Variants in DDX46 observed in about 807,000 individuals in gnomAD.
The protein encoded by DDX46 is probable ATP-dependent RNA helicase DDX46.
Under a neutral mutation model 134.9 loss-of-function variants are expected in DDX46, and 30 were observed. The ratio of observed to expected loss-of-function variants is 0.22; its 90% CI spans 0.17 to 0.30. The LOEUF (loss-of-function observed/expected upper bound fraction) is 0.30. Among genes scored for constraint, DDX46 ranks in the 10% least tolerant of loss-of-function variants. The pLI is 1.00. For missense variants in DDX46, 622 were observed against 1,248.7 expected (o/e 0.50, Z 7.56); for synonymous variants, 415 against 404.1 (o/e 1.03, Z -0.32).
At position 134,831,048 on chromosome 5, in the gene DDX46, GT is replaced by G. The variant is rs960765484; in HGVS notation, c.*2349del. The G allele has an allele frequency of 2.6e-5, 4 of 151,814 alleles. No individual in the cohort carries two copies. The highest frequency in any genetic ancestry group is 4.4e-5 in the Non-Finnish European group (3 of 67,882). 9.4% of individuals were successfully genotyped at this position (151,814 alleles called of 1,614,324 possible). A position where few individuals can be genotyped will look rare whatever the true frequency, so the allele number is the denominator to read the frequency against. ...AAAATTTGAATGATATATAGACTTT[GT>G]TTTTTTAATGCAATATGAATATTTG... On this transcript the variant is annotated 3_prime_UTR_variant, in exon 23 of 23. Transcript: ENST00000452510.
chr5:134,771,344 C>T (rs978874516), intron 4 of DDX46, among the ~76,000 whole-genome samples: 7 of 147,982 alleles, frequency 4.7e-5, no homozygotes, highest in Admixed American at 2.0e-4. Flanking sequence ...CCCCCTGCCT[C>T]GGACCCCCAA....
intron 18 of DDX46, among the ~76,000 whole-genome samples, chr5:134,815,482 G>A (rs551149772): frequency 1.3e-5 from 2 of 151,964 alleles, no homozygotes; most frequent in African/African-American, 4.8e-5. Context: ...GCCAAGGTGG[G>A]CGGATCACGA....
intron 1 of DDX46, among the ~76,000 whole-genome samples, chr5:134,763,312 A>G (rs1753454078): frequency 6.6e-6 from 1 of 152,102 alleles, no homozygotes; most frequent in Non-Finnish European, 1.5e-5. Flanking sequence ...TCTTGGTGTA[A>G]AAGACAGAGT....
At chr5:134,782,835 G>T in intron 8 of DDX46, 110 bp from the exon 9 acceptor site, 2 of 1,365,956 alleles carry the variant, frequency 1.5e-6, no homozygotes, top group Non-Finnish European at 2.0e-6. Context: ...GGTGTGAGCC[G>T]CTGGGTCTGG....
intron 15 of DDX46, chr5:134,797,164 T>C (rs1226268669): frequency 3.8e-5 from 2 of 52,840 alleles, no homozygotes; most frequent in African/African-American, 1.6e-4. Context: ...TGAAACTCCG[T>C]CTCAAAAAAA....
chr5:134,830,670 T>G lies in DDX46; in HGVS notation c.*1964T>G, dbSNP rs1456949584. On this transcript the variant is annotated 3_prime_UTR_variant, in exon 23 of 23. Coordinates refer to ENST00000452510, the MANE Select transcript of DDX46 (RefSeq NM_001300860.2). Reference sequence around the variant, plus strand: ...GAAATATTCTTGGATCCTTCACACATCCACTTAATTTCTTGAAGGAAGAAA... The same window carrying G: ...GAAATATTCTTGGATCCTTCACACAGCCACTTAATTTCTTGAAGGAAGAAA... The G allele has an allele frequency of 1.3e-5, 2 of 152,594 alleles. No homozygotes were observed. The highest frequency in any genetic ancestry group is 1.9e-4 in the East Asian group (1 of 5,202). The allele number at this position is 152,594 out of a possible 1,614,324, so 9.5% of individuals were successfully genotyped here.
At position 134,831,002 on chromosome 5, in the gene DDX46, T is replaced by G. The variant is rs1455243213; in HGVS notation, c.*2296T>G. The G allele has an allele frequency of 6.6e-6, 1 of 152,662 alleles. No homozygotes were observed. Among genetic ancestry groups the G allele is most frequent in the Non-Finnish European group, 1.5e-5 (1 of 68,050 alleles). The allele number at this position is 152,662 out of a possible 1,614,324, so 9.5% of individuals were successfully genotyped here. A position where few individuals can be genotyped will look rare whatever the true frequency, so the allele number is the denominator to read the frequency against. The stretch of plus-strand genomic sequence containing the variant: ...AACATATTACTTTGTTAGTACATTT[T>G]TTAGTGTCACACTGACTTTTAAAAT... On this transcript the variant is annotated 3_prime_UTR_variant, in exon 23 of 23. Transcript: ENST00000452510.
At chr5:134,809,543 A>G (rs926478536) in intron 16 of DDX46, among the ~76,000 whole-genome samples, 3 of 151,738 alleles carry the variant, frequency 2.0e-5, no homozygotes, top group Non-Finnish European at 4.4e-5. Flanking sequence ...AATTTTTTGT[A>G]TTTTTAGTAG....
chr5:134,813,875 T>C (rs1755216352), intron 18 of DDX46, among the ~76,000 whole-genome samples: 1 of 152,002 alleles, frequency 6.6e-6, no homozygotes, highest in African/African-American at 2.4e-5. Flanking sequence ...TCCTCCTGCC[T>C]CAGCCTCCCA....
At position 134,758,803 on chromosome 5, in the gene DDX46, T is replaced by C. The variant is rs1753279060; in HGVS notation, c.-136T>C. 2.9e-6 allele frequency: 4 copies of C among 1,397,340 alleles called. No homozygotes were observed. The African/African-American group carries it at 4.3e-5, about 15-fold the overall frequency. The allele number at this position is 1,397,340 out of a possible 1,614,324, so 86.6% of individuals were successfully genotyped here. A position where few individuals can be genotyped will look rare whatever the true frequency, so the allele number is the denominator to read the frequency against. On this transcript the variant is annotated 5_prime_UTR_variant, in exon 1 of 23. An upstream start codon of the reference 5' UTR is lost. Coordinates refer to ENST00000452510, the MANE Select transcript of DDX46 (RefSeq NM_001300860.2). ...CCTGTTTTCGTTGGCCGCGCTGGGA[T>C]GGCCGCCACAGCTGTAGGTGCTGCT...
At position 134,773,702 on chromosome 5, in the gene DDX46, G is replaced by A; in HGVS notation, c.454G>A (p.Asp152Asn). Reference sequence around the variant, plus strand: ...TTTCTTTTATTCCCCCAAGAACTTTGACCAGAATAAGCTGGAAGAAGAAAT... The same window carrying A: ...TTTCTTTTATTCCCCCAAGAACTTTAACCAGAATAAGCTGGAAGAAGAAAT... ...DEKEKDAGNF[D>N]QNKLEEEMRK... is the part of the protein sequence containing the mutation. Residue 152 changes from aspartate to asparagine, a missense_variant, in exon 5 of 23, where the codon GAC (aspartate) becomes AAC (asparagine). Physicochemically the swap from Asp to Asn is conservative, Grantham distance 23. This residue lies in a region of DDX46 where 244 missense variants were observed against 349.3 expected (regional missense o/e 0.70). Coordinates refer to ENST00000452510, the MANE Select transcript of DDX46 (RefSeq NM_001300860.2). 1 of 1,589,366 alleles carries A rather than the reference G, an allele frequency of 6.3e-7. No homozygotes were observed. Among genetic ancestry groups the A allele is most frequent in the South Asian group, 1.2e-5 (1 of 86,592 alleles).
At chr5:134,818,780 C>A in intron 20 of DDX46, 80 bp from the exon 21 acceptor site, 1 of 1,239,418 alleles carries the variant, frequency 8.1e-7, no homozygotes, top group Non-Finnish European at 1.1e-6. Context: ...TGATATCAGC[C>A]AGCCTAGTCT....
At chr5:134,776,219 G>A (rs1057314768) in intron 5 of DDX46, among the ~76,000 whole-genome samples, 23 of 151,670 alleles carry the variant, frequency 1.5e-4, no homozygotes, top group East Asian at 9.7e-4. Context: ...GTGAAACTCC[G>A]TCTCTACTAA....
intron 21 of DDX46, 111 bp downstream of exon 21, chr5:134,819,115 A>G: frequency 8.5e-7 from 1 of 1,180,046 alleles, no homozygotes; most frequent in East Asian, 2.8e-5. Context: ...AAAGTAAGAA[A>G]CACCTCTGAA....
intron 1 of DDX46, among the ~76,000 whole-genome samples, chr5:134,762,717 G>A (rs977893475): frequency 6.6e-6 from 1 of 151,126 alleles, no homozygotes; most frequent in African/African-American, 2.4e-5. Flanking sequence ...TGGGCAACAA[G>A]AGTGCGACTC....
chr5:134,799,709 G>C (rs1441536375), intron 15 of DDX46, among the ~76,000 whole-genome samples: 1 of 150,788 alleles, frequency 6.6e-6, no homozygotes, highest in Non-Finnish European at 1.5e-5. Context: ...TTGCACTCTG[G>C]TGTGGGCGAC....
At chr5:134,795,510 A>G (rs1324199924) in intron 14 of DDX46, among the ~76,000 whole-genome samples, 1 of 152,046 alleles carries the variant, frequency 6.6e-6, no homozygotes, top group Non-Finnish European at 1.5e-5. Flanking sequence ...GTAAAATAAA[A>G]CGTTGTTTTA....
intron 2 of DDX46, among the ~76,000 whole-genome samples, chr5:134,765,099 C>G (rs1273414353): frequency 1.4e-5 from 2 of 148,086 alleles, no homozygotes; most frequent in Non-Finnish European, 3.0e-5. Context: ...GACAGAGTCT[C>G]ACTCTGTCAC....
chr5:134,794,766 A>G, intron 13 of DDX46, 84 bp from the exon 14 acceptor site: 1 of 1,526,544 alleles, frequency 6.6e-7, no homozygotes, highest in Non-Finnish European at 8.8e-7. Context: ...TGTTCTCAAA[A>G]GTTCCTTTTA....
Sources: gnomAD v4.1 joint callset for allele counts (sites outside exome capture counted in the v4.1 genomes callset) on GRCh38, gnomAD v4.1.1 for gene constraint, gnomAD v4.1.1 regional missense constraint, MANE v1.5 for transcripts, NCBI Gene and HGNC (gene_info 2026-07-23, HGNC 2026-07-21) for gene names.